EPHB1: variants seen among roughly 807,000 people sequenced by gnomAD.
EPHB1 encodes the protein ephrin type-B receptor 1.
EPHB1 carries 30 observed loss-of-function variants against 94.4 expected under a neutral mutation model. The observed-to-expected ratio is 0.32, with a 90% CI of 0.24 to 0.43. The LOEUF is 0.43. EPHB1 is among the 20% of genes least tolerant of loss of function. The pLI, the probability that EPHB1 is intolerant of heterozygous loss-of-function variation, is 1.00. For missense variants in EPHB1, 1,055 were observed against 1,308.3 expected (o/e 0.81, Z 2.99); for synonymous variants, 522 against 489.1 (o/e 1.07, Z -0.89).
intron 4 of EPHB1, among the ~76,000 whole-genome samples, chr3:135,120,059 T>C (rs890306123): frequency 6.6e-6 from 1 of 152,232 alleles, no homozygotes; most frequent in Non-Finnish European, 1.5e-5. Context: ...TAAGTCTCTG[T>C]ATATTATTCA....
intron 15 of EPHB1, among the ~76,000 whole-genome samples, chr3:135,256,045 G>C (rs567208412): frequency 6.6e-6 from 1 of 151,708 alleles, no homozygotes; most frequent in Non-Finnish European, 1.5e-5. Context: ...TGCAACCCCT[G>C]CCTTCTTTTG....
chr3:134,845,520 C>G (rs866306456), intron 1 of EPHB1, among the ~76,000 whole-genome samples: 1 of 152,282 alleles, frequency 6.6e-6, no homozygotes, highest in Non-Finnish European at 1.5e-5. Context: ...AGTGCAGGCT[C>G]CGAGGCCAGA....
chr3:135,192,795 A>T lies in EPHB1; in HGVS notation c.2102A>T (p.Glu701Val), dbSNP rs1320864936. ...RPVMIITEFM[E>V]NGALDSFLRQ... is the part of the protein sequence containing the mutation. ...GTCATGATCATCACAGAGTTCATGG[A>T]GAATGGTGCATTGGATTCTTTCCTC... is the stretch of plus-strand genomic sequence containing the variant. The change falls in exon 11 of 16, where the codon GAG becomes GTG. Residue 701 changes from glutamate (E) to valine (V), a missense_variant. Physicochemically the swap from Glu to Val is moderately radical, Grantham distance 121. Transcript: ENST00000398015. The T allele has an allele frequency of 6.2e-7, 1 of 1,614,108 alleles. No homozygotes were observed. The highest frequency in any genetic ancestry group is 2.2e-5 in the East Asian group (1 of 44,880).
Position 135,104,115 on chromosome 3 carries a change from A to C in EPHB1, c.806-2333A>C, listed in dbSNP as rs566683320. On this transcript the variant is annotated intron_variant, in intron 3 of 15. Transcript: ENST00000398015. ...GAGTCATCACCTCTACCCCTCCCCCACTCTCCAGAGACAGAGCTCCTGCCG... is the reference window on the plus strand; with the variant it reads ...GAGTCATCACCTCTACCCCTCCCCCCCTCTCCAGAGACAGAGCTCCTGCCG... 5.9e-5 allele frequency among the ~76,000 whole-genome samples: 9 copies of C among 151,892 alleles called. No homozygotes were observed. In the South Asian group the frequency reaches 1.9e-3, roughly 32 times the overall value.
intron 3 of EPHB1, among the ~76,000 whole-genome samples, chr3:135,048,486 T>C (rs1297852366): frequency 6.6e-6 from 1 of 152,052 alleles, no homozygotes; most frequent in Non-Finnish European, 1.5e-5. Context: ...CCCAGGCTGG[T>C]CTTGAACTTC....
intron 1 of EPHB1, among the ~76,000 whole-genome samples, chr3:134,887,541 A>G (rs974499021): frequency 1.3e-5 from 2 of 152,190 alleles, no homozygotes; most frequent in East Asian, 3.8e-4. Context: ...CAGGAAGAGA[A>G]TGGTATTTGC....
At chr3:134,811,510 A>T (rs11708725) in intron 1 of EPHB1, among the ~76,000 whole-genome samples, 2,748 of 151,804 alleles carry the variant, frequency 0.018, 29 homozygotes, top group Non-Finnish European at 0.027. Context: ...AAGTGCTGGG[A>T]TTACAGGCAT....
intron 6 of EPHB1, among the ~76,000 whole-genome samples, chr3:135,155,253 G>A (rs933594736): frequency 6.6e-6 from 1 of 152,142 alleles, no homozygotes; most frequent in Non-Finnish European, 1.5e-5. Context: ...GAAAGAGCAG[G>A]TTGCATAATT....
intron 2 of EPHB1, among the ~76,000 whole-genome samples, chr3:134,933,070 T>C (rs1449798261): frequency 6.6e-6 from 1 of 152,214 alleles, no homozygotes; most frequent in East Asian, 1.9e-4. Context: ...GCTTGGCTCA[T>C]GAAACTGAAT....
chr3:135,173,047 T>A (rs1211997246), intron 9 of EPHB1, among the ~76,000 whole-genome samples: 1 of 151,122 alleles, frequency 6.6e-6, no homozygotes, highest in East Asian at 1.9e-4. Flanking sequence ...TTTTTTTTTT[T>A]TTTTTGAGAC....
intron 13 of EPHB1, among the ~76,000 whole-genome samples, chr3:135,247,490 T>C (rs979911904): frequency 6.6e-6 from 1 of 152,238 alleles, no homozygotes; most frequent in Non-Finnish European, 1.5e-5. Flanking sequence ...ATTTTTTTAA[T>C]GTAAAAAGCA....
At chr3:135,134,998 G>A (rs1376982940) in intron 5 of EPHB1, among the ~76,000 whole-genome samples, 2 of 152,130 alleles carry the variant, frequency 1.3e-5, no homozygotes, top group African/African-American at 4.8e-5. Context: ...GCTCTTGCAA[G>A]GGGCCCTGCA....
In EPHB1 at chr3:135,051,311, A is replaced by G. The variant is rs950732857; in HGVS notation, c.806-55137A>G. The stretch of plus-strand genomic sequence containing the variant: ...CAAGCTAGATTGGCAGGGTCATTTC[A>G]TTCTAGCCCACCTTTGCTCTGGGCC... On this transcript the variant is annotated intron_variant, in intron 3 of 15. Coordinates refer to ENST00000398015, the MANE Select transcript of EPHB1 (RefSeq NM_004441.5). 3.3e-5 allele frequency among the ~76,000 whole-genome samples: 5 copies of G among 152,230 alleles called. No homozygotes were observed. In the East Asian group the frequency reaches 9.6e-4, roughly 29 times the overall value.
intron 3 of EPHB1, among the ~76,000 whole-genome samples, chr3:135,011,819 G>C (rs28211): frequency 0.63 from 96,258 of 152,022 alleles, 32,529 homozygotes; most frequent in African/African-American, 0.85. Context: ...CCAAATTCCA[G>C]TGCATTTTCT....
intron 12 of EPHB1, among the ~76,000 whole-genome samples, chr3:135,234,440 T>A (rs1202887273): frequency 6.6e-6 from 1 of 152,168 alleles, no homozygotes; most frequent in African/African-American, 2.4e-5. Context: ...TGCCCACATT[T>A]TTGTATCTTC....
intron 3 of EPHB1, among the ~76,000 whole-genome samples, chr3:135,057,332 C>T (rs1295291403): frequency 6.6e-6 from 1 of 152,176 alleles, no homozygotes; most frequent in African/African-American, 2.4e-5. Context: ...TGTGATTCCT[C>T]AGTGTCCACC....
intron 12 of EPHB1, among the ~76,000 whole-genome samples, chr3:135,211,944 T>C (rs1943043292): frequency 6.6e-6 from 1 of 152,176 alleles, no homozygotes; most frequent in Non-Finnish European, 1.5e-5. Flanking sequence ...TTTTCCTCCT[T>C]CTGGTAGGGC....
At chr3:135,246,914 A>G (rs1283342509) in intron 13 of EPHB1, among the ~76,000 whole-genome samples, 1 of 152,208 alleles carries the variant, frequency 6.6e-6, no homozygotes, top group Admixed American at 6.5e-5. Context: ...TGTCCTACAT[A>G]CTATGCATAG....
intron 12 of EPHB1, among the ~76,000 whole-genome samples, chr3:135,234,790 G>T (rs1333965792): frequency 6.6e-6 from 1 of 152,190 alleles, no homozygotes; most frequent in Non-Finnish European, 1.5e-5. Flanking sequence ...GATCTTGTGA[G>T]AACTCACTCA....
Sources: allele counts gnomAD v4.1 joint callset (sites outside exome capture counted in the v4.1 genomes callset), GRCh38; gene constraint gnomAD v4.1.1; transcripts MANE v1.5; gene names NCBI Gene and HGNC (gene_info 2026-07-23, HGNC 2026-07-21).